KIAA2012: variants seen among roughly 807,000 people sequenced by gnomAD.
The protein encoded by KIAA2012 is uncharacterized protein KIAA2012.
In KIAA2012, 125 loss-of-function variants were observed where a neutral mutation model predicts 150.6. The observed-to-expected ratio is 0.83, with a 90% confidence interval of 0.72 to 0.96. The LOEUF (loss-of-function observed/expected upper bound fraction) is 0.96. Ranked by LOEUF, KIAA2012 falls within the 40% of genes least tolerant of loss-of-function variation. KIAA2012 has a pLI of 0.00. For missense variants in KIAA2012, 1,219 were observed against 1,354.9 expected, an observed-to-expected ratio of 0.90 and a Z score of 1.57; for synonymous variants, 462 against 504.7, an observed-to-expected ratio of 0.92 and a Z score of 1.13.
chr2:202,087,794 C>A, intron 2 of KIAA2012, among the ~76,000 whole-genome samples: 1 of 152,104 alleles, frequency 6.6e-6, no homozygotes, highest in East Asian at 1.9e-4. Context: ...GCAATCCTTG[C>A]ACAGCTGTTC....
chr2:202,147,095 G>A (rs1395501481), intron 13 of KIAA2012, among the ~76,000 whole-genome samples: 2 of 152,144 alleles, frequency 1.3e-5, no homozygotes, highest in Non-Finnish European at 2.9e-5. Context: ...ACATGGAAAA[G>A]GAGAAGCTTG....
intron 12 of KIAA2012, chr2:202,125,981 T>C (rs56046075): frequency 0.62 from 178,376 of 287,576 alleles, 57,704 homozygotes; most frequent in African/African-American, 0.69. Flanking sequence ...TGAGATGGAG[T>C]TTCGCTCTTG....
chr2:202,169,880 C>T (rs952114361), intron 15 of KIAA2012, among the ~76,000 whole-genome samples: 2 of 152,198 alleles, frequency 1.3e-5, no homozygotes, highest in Non-Finnish European at 2.9e-5. Flanking sequence ...CGGATTGCTT[C>T]TCTGGGCCTT....
At chr2:202,188,073 G>C (rs1026950507) in intron 17 of KIAA2012, 79 bp from the exon 18 acceptor site, 8 of 1,194,992 alleles carry the variant, frequency 6.7e-6, no homozygotes, top group African/African-American at 1.5e-5. Flanking sequence ...GTGTCACCTT[G>C]TTCAACATAA....
intron 5 of KIAA2012, 109 bp downstream of exon 5, chr2:202,097,686 T>C (rs1423711321): frequency 8.1e-7 from 1 of 1,227,350 alleles, no homozygotes; most frequent in Non-Finnish European, 1.1e-6. Context: ...GCCTCCTGGG[T>C]TCAAGCATTT....
rs185473505 is a variant in KIAA2012 at position 202,179,366 on chromosome 2, G to A, written c.2120-5387G>A. Reference sequence around the variant, plus strand: ...TGATAAACTTGTCCGGATTGAATATGCTTTGGCTGCTGTAGCTGGAGGAGC... The same window carrying A: ...TGATAAACTTGTCCGGATTGAATATACTTTGGCTGCTGTAGCTGGAGGAGC... On this transcript the variant is annotated intron_variant, in intron 15 of 23. Transcript: ENST00000498697. 56 of 882,088 alleles carry A rather than the reference G, an allele frequency of 6.3e-5. No individual in the cohort carries two copies. In the East Asian group the frequency reaches 8.9e-4, roughly 14 times the overall value. 54.6% of individuals were successfully genotyped at this position (882,088 alleles called of 1,614,324 possible).
At chr2:202,171,917 G>T (rs992306719) in intron 15 of KIAA2012, among the ~76,000 whole-genome samples, 1 of 147,598 alleles carries the variant, frequency 6.8e-6, no homozygotes, top group South Asian at 2.1e-4. Context: ...TGGCGTGATG[G>T]CTCACTGCAA....
Position 202,103,114 on chromosome 2 carries a change from G to C in KIAA2012, c.1324G>C (p.Gly442Arg). The C allele has an allele frequency of 1.3e-6, 2 of 1,550,330 alleles. No individual in the cohort carries two copies. Among genetic ancestry groups the C allele is most frequent in the Middle Eastern group, 1.7e-4 (1 of 5,784 alleles). The change falls in exon 8 of 24, where the codon GGT becomes CGT. Residue 442 changes from glycine to arginine, a missense_variant and splice_region_variant. Gly to Arg is a moderately radical substitution (Grantham distance 125). Coordinates refer to ENST00000498697, the MANE Select transcript of KIAA2012 (RefSeq NM_001277372.4). The stretch of plus-strand genomic sequence containing the variant: ...CCCAAAAGAGAAAGCCCACAGAAGA[G>C]GTAGGTCCCGGGTGCATGGGCACTC... ...QPPKEKAHRRGAPHPESEPES... is the reference protein window; with the variant it reads ...QPPKEKAHRRRAPHPESEPES...
At chr2:202,160,295 T>C (rs947672870) in intron 14 of KIAA2012, among the ~76,000 whole-genome samples, 1 of 151,790 alleles carries the variant, frequency 6.6e-6, no homozygotes, top group African/African-American at 2.4e-5. Flanking sequence ...CAAGATACTT[T>C]ATGATTTTTC....
intron 15 of KIAA2012, among the ~76,000 whole-genome samples, chr2:202,176,841 A>G (rs1384851291): frequency 1.3e-5 from 2 of 152,366 alleles, no homozygotes; most frequent in African/African-American, 4.8e-5. Flanking sequence ...AAGTCTATAA[A>G]CACTATTAAT....
chr2:202,098,825 C>T (rs1292062228), intron 5 of KIAA2012, among the ~76,000 whole-genome samples: 34 of 92,918 alleles, frequency 3.7e-4, no homozygotes, highest in African/African-American at 1.2e-3. Flanking sequence ...TGTGTGCACG[C>T]GCGCGCGCGC....
intron 22 of KIAA2012, chr2:202,201,952 G>C (rs1323910832): frequency 2.8e-6 from 2 of 712,138 alleles, no homozygotes; most frequent in Admixed American, 2.1e-5. Context: ...CTTCCTGTTC[G>C]GAGCCACTTC....
At chr2:202,080,472 T>A (rs1236435147) in intron 2 of KIAA2012, among the ~76,000 whole-genome samples, 1 of 152,102 alleles carries the variant, frequency 6.6e-6, no homozygotes, top group Non-Finnish European at 1.5e-5. Flanking sequence ...GGTGGGCAGA[T>A]CACCTGAGGT....
At chr2:202,171,953 T>G (rs1691902900) in intron 15 of KIAA2012, among the ~76,000 whole-genome samples, 1 of 148,332 alleles carries the variant, frequency 6.7e-6, no homozygotes, top group Non-Finnish European at 1.5e-5. Flanking sequence ...TTCAAGCAAG[T>G]CAGCCGCCTC....
chr2:202,200,799 C>G (rs1201384932), intron 22 of KIAA2012, among the ~76,000 whole-genome samples: 4 of 149,036 alleles, frequency 2.7e-5, no homozygotes, highest in Admixed American at 6.7e-5. Flanking sequence ...CTCCGCCTGC[C>G]AGATTCAAGC....
At chr2:202,149,502 G>T (rs1691377984) in intron 13 of KIAA2012, among the ~76,000 whole-genome samples, 1 of 152,218 alleles carries the variant, frequency 6.6e-6, no homozygotes, top group Non-Finnish European at 1.5e-5. Context: ...CAGGTTCCCG[G>T]AGCCTCTTGG....
intron 13 of KIAA2012, among the ~76,000 whole-genome samples, chr2:202,150,494 G>T (rs1691403344): frequency 6.6e-6 from 1 of 151,894 alleles, no homozygotes; most frequent in Non-Finnish European, 1.5e-5. Context: ...TGTCGCCGAG[G>T]CTGGAGTGCA....
At chr2:202,202,930 A>AG (rs1491159912) in intron 23 of KIAA2012, among the ~76,000 whole-genome samples, 2 of 145,310 alleles carry the variant, frequency 1.4e-5, no homozygotes, top group African/African-American at 5.0e-5. Flanking sequence ...CTGTCTCTTA[A>AG]GAAAAAAAAA....
chr2:202,077,126 CCTT>C (rs1559194974), intron 2 of KIAA2012: 2 of 450,018 alleles, frequency 4.4e-6, no homozygotes, highest in Non-Finnish European at 8.9e-6. Flanking sequence ...CTCCCTCTGT[CCTT>C]CTAGCGTAAG....
Sources: allele counts gnomAD v4.1 joint callset (sites outside exome capture counted in the v4.1 genomes callset), GRCh38; gene constraint gnomAD v4.1.1; transcripts MANE v1.5; gene names NCBI Gene and HGNC (gene_info 2026-07-23, HGNC 2026-07-21).